GPRC5C: variants seen among roughly 807,000 people sequenced by gnomAD.
The protein encoded by GPRC5C is G protein-coupled receptor family C group 5 member C.
Under a neutral mutation model 31.4 loss-of-function variants are expected in GPRC5C, and 22 were observed. The ratio of observed to expected loss-of-function variants is 0.70; its 90% CI spans 0.50 to 1.00. The LOEUF (loss-of-function observed/expected upper bound fraction) is 1.00. Among genes scored for constraint, GPRC5C ranks in the 50% least tolerant of loss-of-function variants. GPRC5C has a pLI of 0.00. For synonymous variants in GPRC5C, 249 were observed against 257.5 expected, an observed-to-expected ratio of 0.97 and a Z score of 0.32; for missense variants, 557 against 597.2, an observed-to-expected ratio of 0.93 and a Z score of 0.70.
rs1010914923 is a variant in GPRC5C, at chr17:74,440,556, C to G, written c.780C>G (p.Ile260Met). 3.1e-6 allele frequency: 5 copies of G among 1,614,040 alleles called. No individual in the cohort carries two copies. In the African/African-American group the frequency reaches 5.3e-5, roughly 17 times the overall value. The change falls in exon 2 of 4, where the codon ATC becomes ATG. Residue 260 changes from isoleucine (I) to methionine (M), a missense_variant. Ile to Met is a conservative substitution (Grantham distance 10). Transcript: ENST00000392627. This position sits in a 1 kb window ranked among gnomAD's most constrained non-coding sequence, Gnocchi z 4.4. ...ATSVAIWVVWIVMYTYGNKQH... is the reference protein window; with the variant it reads ...ATSVAIWVVWMVMYTYGNKQH... The stretch of plus-strand genomic sequence containing the variant: ...CCGTTGCCATATGGGTGGTGTGGAT[C>G]GTCATGTATACTTACGGCAACAAGC...
Position 74,440,415 on chromosome 17 carries a change from C to T in GPRC5C, c.639C>T (p.Leu213=). The T allele has an allele frequency of 6.2e-7, 1 of 1,614,048 alleles. No homozygotes were observed. Among genetic ancestry groups the T allele is most frequent in the African/African-American group, 1.3e-5 (1 of 75,068 alleles). Residue 213 remains leucine (L), a synonymous_variant, in exon 2 of 4, where the codon CTC becomes CTT. Coordinates refer to ENST00000392627, the MANE Select transcript of GPRC5C (RefSeq NM_022036.4). The surrounding 1 kb of genome is among the most constrained non-coding windows in gnomAD (Gnocchi z 4.4). ...AIANMDFVMA[L]IYVMLLLLGA... Reference sequence around the variant, plus strand: ...CCAACATGGACTTTGTCATGGCACTCATCTACGTCATGCTGCTGCTGCTGG... The same window carrying T: ...CCAACATGGACTTTGTCATGGCACTTATCTACGTCATGCTGCTGCTGCTGG...
intron 1 of GPRC5C, among the ~76,000 whole-genome samples, chr17:74,436,877 A>T (rs2055439314): frequency 6.6e-6 from 1 of 152,204 alleles, no homozygotes; most frequent in Non-Finnish European, 1.5e-5. Context: ...GTTGTTATCC[A>T]TAAATTATCT....
chr17:74,435,250 T>C (rs1598426571), intron 1 of GPRC5C, among the ~76,000 whole-genome samples: 1 of 151,836 alleles, frequency 6.6e-6, no homozygotes. Flanking sequence ...ATTGGCTGAA[T>C]GTGCACTCCC....
Position 74,441,792 on chromosome 17 carries a change from C to T in GPRC5C, c.1051+965C>T, listed in dbSNP as rs528508951. 7.2e-4 allele frequency among the ~76,000 whole-genome samples: 110 copies of T among 152,096 alleles called. 1 individual carries two copies. The highest frequency in any genetic ancestry group is 1.1e-3 in the Non-Finnish European group (74 of 67,990). On this transcript the variant is annotated intron_variant, in intron 2 of 3. Transcript: ENST00000392627. ...TGAGCCGTGATTGCACCACCACATT[C>T]CAGCCTGGATGATCTCAAAAAAAAA...
rs2055518232 is a variant in GPRC5C, at chr17:74,440,595, C to CA, written c.820dup (p.Thr274AsnfsTer4). The CA allele has an allele frequency of 3.7e-6, 6 of 1,613,180 alleles. No individual in the cohort carries two copies. In the South Asian group the frequency reaches 6.6e-5, roughly 18 times the overall value. Reference sequence around the variant, plus strand: ...ACGGCAACAAGCAGCACAACAGTCCCACCTGGGATGACCCCACGCTGGCCA... The same window carrying CA: ...ACGGCAACAAGCAGCACAACAGTCCCAACCTGGGATGACCCCACGCTGGCCA... On this transcript the variant is annotated frameshift_variant, in exon 2 of 4. Coordinates refer to ENST00000392627, the MANE Select transcript of GPRC5C (RefSeq NM_022036.4). LOFTEE classifies it high-confidence loss of function. The surrounding 1 kb of genome is among the most constrained non-coding windows in gnomAD (Gnocchi z 4.4).
chr17:74,436,574 C>T (rs548126496), intron 1 of GPRC5C, among the ~76,000 whole-genome samples: 2 of 152,238 alleles, frequency 1.3e-5, no homozygotes, highest in African/African-American at 4.8e-5. Flanking sequence ...TTTTAAATGC[C>T]ATCAAGTCAG....
chr17:74,448,633 C>T (rs572691148), downstream of GPRC5C, among the ~76,000 whole-genome samples: 6 of 152,296 alleles, frequency 3.9e-5, no homozygotes, highest in South Asian at 2.1e-4. Context: ...CCCACCTCAG[C>T]CTCCTGGAGT....
Position 74,442,712 on chromosome 17 carries a change from C to A in GPRC5C, c.1052-1106C>A, listed in dbSNP as rs77397195. 7.7e-3 allele frequency among the ~76,000 whole-genome samples: 1,168 copies of A among 152,288 alleles called. 14 individuals are homozygous for A. Among genetic ancestry groups the A allele is most frequent in the African/African-American group, 0.027 (1,113 of 41,550 alleles). On this transcript the variant is annotated intron_variant, in intron 2 of 3. Coordinates refer to ENST00000392627, the MANE Select transcript of GPRC5C (RefSeq NM_022036.4). ...TACACACTGTGAAATCCTCATAATCCCTGCTTTGGAGAAAGAGATGACCCT... is the reference window on the plus strand; with the variant it reads ...TACACACTGTGAAATCCTCATAATCACTGCTTTGGAGAAAGAGATGACCCT...
chr17:74,444,214 G>T (rs2055590283), intron 3 of GPRC5C, among the ~76,000 whole-genome samples: 1 of 152,190 alleles, frequency 6.6e-6, no homozygotes, highest in Admixed American at 6.5e-5. Flanking sequence ...AGCTCTCCCT[G>T]GTGGGAGCTG....
At position 74,440,213 on chromosome 17, in the gene GPRC5C, G is replaced by A. The variant is rs754753662; in HGVS notation, c.437G>A (p.Arg146Gln). 2.5e-5 allele frequency: 40 copies of A among 1,614,062 alleles called. 1 individual carries two copies. In the East Asian group the frequency reaches 4.7e-4, roughly 19 times the overall value. The part of the protein sequence containing the change: ...AHVFALNFLA[R>Q]KNHGPRGWVI... ...GTCTTTGCCCTCAACTTCCTGGCCCGGAAGAACCACGGGCCCCGGGGCTGG... is the reference window on the plus strand; with the variant it reads ...GTCTTTGCCCTCAACTTCCTGGCCCAGAAGAACCACGGGCCCCGGGGCTGG... The change falls in exon 2 of 4, where the codon CGG (arginine) becomes CAG (glutamine). Residue 146 changes from arginine (R) to glutamine (Q), a missense_variant. Transcript: ENST00000392627. This position sits in a 1 kb window ranked among gnomAD's most constrained non-coding sequence, Gnocchi z 4.4.
intron 2 of GPRC5C, among the ~76,000 whole-genome samples, 177 bp downstream of exon 2, chr17:74,441,004 G>A (rs913015342): frequency 3.3e-5 from 5 of 151,904 alleles, no homozygotes; most frequent in African/African-American, 1.2e-4. Flanking sequence ...GTTGGGCATG[G>A]TAGATCATGC....
intron 1 of GPRC5C, among the ~76,000 whole-genome samples, chr17:74,436,399 T>G (rs1416169579): frequency 6.6e-6 from 1 of 152,150 alleles, no homozygotes; most frequent in African/African-American, 2.4e-5. Context: ...TTTATTAGAT[T>G]CTGAGTAAAA....
chr17:74,435,074 C>T (rs1256784327), intron 1 of GPRC5C, among the ~76,000 whole-genome samples: 5 of 144,890 alleles, frequency 3.5e-5, no homozygotes, highest in Non-Finnish European at 6.1e-5. Context: ...AAAAAATTAG[C>T]CGGGCGTGGT....
At chr17:74,439,705 C>A (rs1363809607) in intron 1 of GPRC5C, 40 bp from the exon 2 acceptor site, 2 of 1,553,012 alleles carry the variant, frequency 1.3e-6, no homozygotes, top group African/African-American at 2.7e-5. Context: ...GGAGTCTGAT[C>A]TTGGAGGACT....
rs182295067 is a variant in GPRC5C at position 74,440,917 on chromosome 17, A to G, written c.1051+90A>G. The G allele has an allele frequency of 5.1e-3, 6,017 of 1,182,424 alleles. 22 individuals are homozygous for G. Among genetic ancestry groups the G allele is most frequent in the Non-Finnish European group, 6.2e-3 (5,560 of 897,074 alleles). The allele number at this position is 1,182,424 out of a possible 1,614,324, so 73.2% of individuals were successfully genotyped here. On this transcript the variant is annotated intron_variant, in intron 2 of 3. Transcript: ENST00000392627. The surrounding 1 kb of genome is among the most constrained non-coding windows in gnomAD (Gnocchi z 4.4). ...GGAGCCAGTCTCTTGAGCAAAATGG[A>G]AAGTTTTTGAGGTTTTCTGTAGTTT...
intron 3 of GPRC5C, among the ~76,000 whole-genome samples, chr17:74,444,241 G>C (rs1475139738): frequency 1.3e-5 from 2 of 152,210 alleles, no homozygotes; most frequent in Non-Finnish European, 2.9e-5. Context: ...TTACCCTGGA[G>C]GGCTTGGGGA....
chr17:74,449,436 A>G, downstream of GPRC5C: 2 of 972,918 alleles, frequency 2.1e-6, no homozygotes, highest in Non-Finnish European at 2.9e-6. Context: ...GACCGGGCCC[A>G]GCACCTTTCC....
intron 2 of GPRC5C, chr17:74,443,225 TC>T: frequency 4.6e-6 from 1 of 216,698 alleles, no homozygotes; most frequent in South Asian, 5.6e-5. Context: ...CAAGGAAGTA[TC>T]CCTGGAGCTA....
intron 3 of GPRC5C, chr17:74,446,088 G>A (rs746302166): frequency 1.3e-4 from 19 of 149,296 alleles, no homozygotes; most frequent in Admixed American, 5.4e-4. Context: ...CCAGAGCCAT[G>A]TCCTCCGCCA....
Sources: allele counts gnomAD v4.1 joint callset (sites outside exome capture counted in the v4.1 genomes callset), GRCh38; gene constraint gnomAD v4.1.1; non-coding constraint Gnocchi (gnomAD v3.1); transcripts MANE v1.5; gene names NCBI Gene and HGNC (gene_info 2026-07-23, HGNC 2026-07-21).